Variants in FBXO38 observed in about 807,000 individuals in gnomAD.
FBXO38 encodes the protein F-box only protein 38.
FBXO38 carries 53 observed loss-of-function variants against 131.9 expected under a neutral mutation model. That is an observed-to-expected ratio of 0.40 (90% CI 0.32 to 0.51). The LOEUF (loss-of-function observed/expected upper bound fraction) is 0.51. Ranked by LOEUF, FBXO38 falls within the 20% of genes least tolerant of loss-of-function variation. The pLI, the probability that FBXO38 is intolerant of heterozygous loss-of-function variation, is 0.53. For missense variants in FBXO38, 1,076 were observed against 1,475.6 expected, an observed-to-expected ratio of 0.73 and a Z score of 4.44; for synonymous variants, 452 against 505.6, an observed-to-expected ratio of 0.89 and a Z score of 1.42.
chr5:148,396,813 G>C lies in FBXO38; in HGVS notation c.128+1909G>C, dbSNP rs367590663. ...GTAGAGGCAGGATCTTGATTTGTTG[G>C]CTAGATTGGTCTTAACTTCTGGCCT... is the stretch of plus-strand genomic sequence containing the variant. On this transcript the variant is annotated intron_variant, in intron 2 of 21. Transcript: ENST00000340253. 5.3e-5 allele frequency among the ~76,000 whole-genome samples: 8 copies of C among 152,140 alleles called. No homozygotes were observed. In the East Asian group the frequency reaches 9.7e-4, roughly 18 times the overall value.
intron 17 of FBXO38, among the ~76,000 whole-genome samples, chr5:148,435,694 C>T (rs959688150): frequency 2.0e-5 from 3 of 152,096 alleles, no homozygotes; most frequent in Non-Finnish European, 2.9e-5. Context: ...GGCATGAACC[C>T]GGTAGGCGGG....
chr5:148,411,288 T>C (rs1188907596), intron 9 of FBXO38, among the ~76,000 whole-genome samples: 2 of 152,198 alleles, frequency 1.3e-5, no homozygotes, highest in African/African-American at 4.8e-5. Context: ...GTTCACAGCA[T>C]TTTCTTACCC....
In FBXO38 at chr5:148,439,631, A is replaced by T; in HGVS notation, c.3025-16A>T. On this transcript the variant is annotated splice_polypyrimidine_tract_variant and intron_variant, in intron 18 of 21. Coordinates refer to ENST00000340253, the MANE Select transcript of FBXO38 (RefSeq NM_205836.3). Reference sequence around the variant, plus strand: ...TTCTCTTTGTTGAAGACATCTCTTTATGATGTCTTCCACAGGTGGACACTC... The same window carrying T: ...TTCTCTTTGTTGAAGACATCTCTTTTTGATGTCTTCCACAGGTGGACACTC... The T allele has an allele frequency of 6.2e-7, 1 of 1,610,982 alleles. No individual in the cohort carries two copies.
intron 3 of FBXO38, among the ~76,000 whole-genome samples, chr5:148,399,895 G>A (rs116634170): frequency 5.3e-5 from 8 of 151,952 alleles, no homozygotes; most frequent in African/African-American, 1.9e-4. Context: ...CTTCGAAAAT[G>A]GGATAAGGCT....
rs1482638606 is a variant in FBXO38 at position 148,442,488 on chromosome 5, A to G, written c.*341A>G. 1 of 169,000 alleles carries G rather than the reference A, an allele frequency of 5.9e-6. No homozygotes were observed. The highest frequency in any genetic ancestry group is 2.4e-5 in the African/African-American group (1 of 41,942). The allele number at this position is 169,000 out of a possible 1,614,324, so 10.5% of individuals were successfully genotyped here. A position where few individuals can be genotyped will look rare whatever the true frequency, so the allele number is the denominator to read the frequency against. ...GTCTCCATTTACTTCATTCTTAATG[A>G]TTATTGTCATCCCTTTAAATCTGTG... On this transcript the variant is annotated 3_prime_UTR_variant, in exon 22 of 22. Transcript: ENST00000340253.
In FBXO38 at chr5:148,427,783, A is replaced by T. The variant is rs1311678353; in HGVS notation, c.2489A>T (p.His830Leu). Residue 830 changes from histidine to leucine, a missense_variant, in exon 15 of 22, where the codon CAT becomes CTT. Physicochemically the swap from His to Leu is moderately conservative, Grantham distance 99. Transcript: ENST00000340253. ...LPQGGSSGPA[H>L]DERTNGSGSG... ...CAAGGGGGGTCTTCAGGCCCAGCAC[A>T]TGATGAGAGGACTAATGGGAGTGGC... 1.2e-5 allele frequency: 19 copies of T among 1,611,128 alleles called. No homozygotes were observed. Among genetic ancestry groups the T allele is most frequent in the Non-Finnish European group, 1.6e-5 (19 of 1,178,432 alleles).
intron 12 of FBXO38, among the ~76,000 whole-genome samples, chr5:148,419,764 A>G (rs1056372443): frequency 6.6e-6 from 1 of 152,096 alleles, no homozygotes; most frequent in Non-Finnish European, 1.5e-5. Context: ...CTTTACATGC[A>G]TGGGCCTTTA....
At chr5:148,405,172 C>T (rs1752375879) in intron 6 of FBXO38, among the ~76,000 whole-genome samples, 1 of 152,168 alleles carries the variant, frequency 6.6e-6, no homozygotes, top group African/African-American at 2.4e-5. Context: ...CTCCCTTAAA[C>T]ATAGCTTTTA....
chr5:148,440,287 T>C (rs953327670), intron 19 of FBXO38, 137 bp from the exon 20 acceptor site: 2 of 620,218 alleles, frequency 3.2e-6, no homozygotes, highest in East Asian at 2.8e-5. Context: ...TGTATCCTAC[T>C]TCCGTTAGGT....
At chr5:148,441,318 T>G in intron 21 of FBXO38, 81 bp downstream of exon 21, 8 of 983,288 alleles carry the variant, frequency 8.1e-6, no homozygotes, top group Non-Finnish European at 1.3e-5. Context: ...TTTTTGTGAG[T>G]TAGGAGCAGT....
intron 10 of FBXO38, chr5:148,415,523 T>G: frequency 4.9e-6 from 1 of 203,310 alleles, no homozygotes; most frequent in Non-Finnish European, 1.0e-5. Context: ...CTGTAGCTTG[T>G]TTTTTGTACT....
At chr5:148,413,012 A>G (rs144966508) in intron 9 of FBXO38, among the ~76,000 whole-genome samples, 52 of 152,242 alleles carry the variant, frequency 3.4e-4, no homozygotes, top group African/African-American at 1.2e-3. Flanking sequence ...AGGTTACAGC[A>G]TTTATTCAGA....
At chr5:148,411,209 G>T (rs1752731200) in intron 9 of FBXO38, among the ~76,000 whole-genome samples, 1 of 152,042 alleles carries the variant, frequency 6.6e-6, no homozygotes, top group Non-Finnish European at 1.5e-5. Context: ...TGGGGGTTCT[G>T]GATTTTCCAG....
Position 148,424,034 on chromosome 5 carries a change from G to A in FBXO38, c.1655G>A (p.Gly552Glu). Residue 552 changes from glycine (G) to glutamate (E), a missense_variant, in exon 13 of 22, where the codon GGA becomes GAA. Physicochemically the swap from Gly to Glu is moderately conservative, Grantham distance 98 (BLOSUM62 -2). Coordinates refer to ENST00000340253, the MANE Select transcript of FBXO38 (RefSeq NM_205836.3). ...NEMEDIVQED[G>E]EVVAESGNNT... ...ATGGAAGACATCGTCCAAGAAGATG[G>A]AGAGGTGGTGGCCGAGAGTGGAAAT... 1 of 1,613,402 alleles carries A rather than the reference G, an allele frequency of 6.2e-7. No homozygotes were observed. The highest frequency in any genetic ancestry group is 2.2e-5 in the East Asian group (1 of 44,876).
At position 148,414,179 on chromosome 5, in the gene FBXO38, T is replaced by G; in HGVS notation, c.1137T>G (p.Asp379Glu). The G allele has an allele frequency of 6.2e-7, 1 of 1,612,406 alleles. No individual in the cohort carries two copies. The highest frequency in any genetic ancestry group is 8.5e-7 in the Non-Finnish European group (1 of 1,179,394). Residue 379 changes from aspartate to glutamate, a missense_variant, in exon 10 of 22, where the codon GAT (aspartate) becomes GAG (glutamate). Physicochemically the swap from Asp to Glu is conservative, Grantham distance 45. Coordinates refer to ENST00000340253, the MANE Select transcript of FBXO38 (RefSeq NM_205836.3). ...NADLVKYGLA[D>E]VVENPGIITD... ...ATCTGGTGAAGTATGGTTTGGCTGA[T>G]GTGGTAGAAAATCCTGGTATCATCA...
At chr5:148,425,793 A>G (rs1753682792) in intron 14 of FBXO38, 92 bp downstream of exon 14, 10 of 1,093,914 alleles carry the variant, frequency 9.1e-6, no homozygotes, top group East Asian at 2.5e-5. Flanking sequence ...TGCAGTTAAC[A>G]TATATTACGG....
rs1333445080 is a variant in FBXO38, at chr5:148,426,761, C to T, written c.1919-452C>T. ...TTCTAGTCTAGTTGAAGAGTCATGT[C>T]AAAAACAATAGGTAGTAATATTACA... On this transcript the variant is annotated intron_variant, in intron 14 of 21. Coordinates refer to ENST00000340253, the MANE Select transcript of FBXO38 (RefSeq NM_205836.3). 4.6e-5 allele frequency among the ~76,000 whole-genome samples: 7 copies of T among 152,190 alleles called. No individual in the cohort carries two copies. In the South Asian group the frequency reaches 1.5e-3, roughly 32 times the overall value.
Position 148,402,450 on chromosome 5 carries a change from A to G in FBXO38, c.529A>G (p.Ile177Val), listed in dbSNP as rs560664064. The G allele has an allele frequency of 9.3e-6, 15 of 1,612,700 alleles. No homozygotes were observed. The highest frequency in any genetic ancestry group is 1.7e-5 in the Admixed American group (1 of 59,946). ...KFRNRNGAFP[I>V]PPENKLKIPI... The stretch of plus-strand genomic sequence containing the variant: ...TCGTAATCGTAATGGAGCTTTTCCA[A>G]TTCCTCCTGAAAATAAACTGAAAAT... The change falls in exon 5 of 22, where the codon ATT becomes GTT. Residue 177 changes from isoleucine to valine, a missense_variant. Ile to Val is a conservative substitution (Grantham distance 29). Transcript: ENST00000340253.
rs1420907423 is a variant in FBXO38 at position 148,393,188 on chromosome 5, G to GGGGT, written c.-63-1525_-63-1524insGGTG. On this transcript the variant is annotated intron_variant, in intron 1 of 21. Transcript: ENST00000340253. ...TACTGGTTAGAAACAACAGAAGAGG[G>GGGGT]GTGTGTGTGTGTGTGTGTGTGTGTG... Among the ~76,000 whole-genome samples, 521 of 127,080 alleles carry GGGGT rather than the reference G, an allele frequency of 4.1e-3. 3 individuals are homozygous for GGGGT. The highest frequency in any genetic ancestry group is 0.014 in the African/African-American group (472 of 32,838). The allele number at this position is 127,080 out of a possible 152,430, so 83.4% of individuals were successfully genotyped here.
Sources: allele counts gnomAD v4.1 joint callset (sites outside exome capture counted in the v4.1 genomes callset), GRCh38; gene constraint gnomAD v4.1.1; transcripts MANE v1.5; gene names NCBI Gene and HGNC (gene_info 2026-07-23, HGNC 2026-07-21).